WAPL: variants seen among roughly 807,000 people sequenced by gnomAD.
WAPL encodes the protein wings apart-like protein homolog.
A neutral mutation model predicts 121.0 loss-of-function variants in WAPL; 5 were observed. That is an observed-to-expected ratio of 0.04 (90% CI 0.02 to 0.09). The LOEUF (loss-of-function observed/expected upper bound fraction) is 0.09, where lower values mean the gene tolerates loss of function less well. Ranked by LOEUF, WAPL falls within the 10% of genes least tolerant of loss-of-function variation. The pLI is 1.00. For missense variants in WAPL, 999 were observed against 1,410.8 expected (o/e 0.71, Z 4.68); for synonymous variants, 480 against 481.5 (o/e 1.00, Z 0.04).
intron 4 of WAPL, among the ~76,000 whole-genome samples, chr10:86,495,250 T>A (rs1589529535): frequency 6.6e-6 from 1 of 152,206 alleles, no homozygotes; most frequent in Non-Finnish European, 1.5e-5. Flanking sequence ...GCAGATAGCC[T>A]GAGCCTAGGA....
At chr10:86,465,554 T>G (rs1402590431) in intron 9 of WAPL, among the ~76,000 whole-genome samples, 1 of 152,190 alleles carries the variant, frequency 6.6e-6, no homozygotes, top group Non-Finnish European at 1.5e-5. Context: ...AATTTCCAGT[T>G]TACCCATTGA....
chr10:86,477,809 G>A (rs1291222346), intron 4 of WAPL, among the ~76,000 whole-genome samples: 1 of 151,860 alleles, frequency 6.6e-6, no homozygotes, highest in Non-Finnish European at 1.5e-5. Context: ...GCCGGGTGCA[G>A]TGGCTCACGC....
intron 8 of WAPL, among the ~76,000 whole-genome samples, chr10:86,469,260 T>C (rs1841477821): frequency 6.9e-6 from 1 of 144,472 alleles, no homozygotes; most frequent in African/African-American, 2.5e-5. Flanking sequence ...TTTTTTTTTT[T>C]TTTTTTTTTT....
At position 86,496,046 on chromosome 10, in the gene WAPL, G is replaced by A. The variant is rs544036321; in HGVS notation, c.1644+1155C>T. On this transcript the variant is annotated intron_variant, in intron 4 of 18. Coordinates refer to ENST00000298767, the MANE Select transcript of WAPL (RefSeq NM_015045.5). ...GGAGAATTCCTTGAACCCAGGAGGCGGAGGTTGCAGTGAGCCAAGATTGTG... is the reference window on the plus strand; with the variant it reads ...GGAGAATTCCTTGAACCCAGGAGGCAGAGGTTGCAGTGAGCCAAGATTGTG... Among the ~76,000 whole-genome samples, 822 of 152,180 alleles carry A rather than the reference G, an allele frequency of 5.4e-3. 7 individuals are homozygous for A. Among genetic ancestry groups the A allele is most frequent in the African/African-American group, 0.019 (783 of 41,518 alleles).
At chr10:86,496,396 G>C (rs1842151163) in intron 4 of WAPL, among the ~76,000 whole-genome samples, 1 of 152,054 alleles carries the variant, frequency 6.6e-6, no homozygotes, top group African/African-American at 2.4e-5. Context: ...TCCTCAGAAA[G>C]TTATAGGCCT....
Position 86,455,309 on chromosome 10 carries a change from TAGG to T in WAPL, c.2658-1481_2658-1479del, listed in dbSNP as rs542613665. On this transcript the variant is annotated intron_variant, in intron 12 of 18. Transcript: ENST00000298767. ...GTGTCTGTGTAGAAAGAAGTAGACA[TAGG>T]AGACTCCATTTTGTTCTGTACTAAG... Among the ~76,000 whole-genome samples the T allele has an allele frequency of 1.9e-3, 285 of 152,296 alleles. 1 individual carries two copies. The highest frequency in any genetic ancestry group is 6.4e-3 in the African/African-American group (266 of 41,566).
chr10:86,464,606 G>A (rs1841357304), intron 9 of WAPL, among the ~76,000 whole-genome samples: 1 of 152,202 alleles, frequency 6.6e-6, no homozygotes, highest in Non-Finnish European at 1.5e-5. Flanking sequence ...GAAGGCCGAG[G>A]AGGACAGATC....
At chr10:86,487,082 GT>G (rs1376693089) in intron 4 of WAPL, among the ~76,000 whole-genome samples, 2 of 152,008 alleles carry the variant, frequency 1.3e-5, no homozygotes. Flanking sequence ...AACATCCCAG[GT>G]AAAACACAAC....
intron 4 of WAPL, among the ~76,000 whole-genome samples, chr10:86,480,115 A>G (rs544969066): frequency 1.3e-5 from 2 of 152,364 alleles, no homozygotes; most frequent in East Asian, 3.9e-4. Flanking sequence ...GTAATATGCA[A>G]TATGAAACAC....
At chr10:86,490,534 CA>C (rs1842024296) in intron 4 of WAPL, among the ~76,000 whole-genome samples, 1 of 152,044 alleles carries the variant, frequency 6.6e-6, no homozygotes, top group South Asian at 2.1e-4. Context: ...CAAATAGGTA[CA>C]AATGACTTCA....
In WAPL at chr10:86,467,180, G is replaced by C. The variant is rs191839034; in HGVS notation, c.2370+99C>G. On this transcript the variant is annotated intron_variant, in intron 9 of 18. Transcript: ENST00000298767. The stretch of plus-strand genomic sequence containing the variant: ...TTTGCCAAACTGTAAACCAAGGTTA[G>C]AATTAAAATAATTTGCCCACAGTCA... 2.2e-3 allele frequency: 2,424 copies of C among 1,087,538 alleles called. 6 individuals carry two copies. The highest frequency in any genetic ancestry group is 3.6e-3 in the Admixed American group (152 of 41,800). The allele number at this position is 1,087,538 out of a possible 1,614,324, so 67.4% of individuals were successfully genotyped here.
In WAPL at chr10:86,497,379, CT is replaced by C; in HGVS notation, c.1526-61del. 1.9e-5 allele frequency: 23 copies of C among 1,239,774 alleles called. No homozygotes were observed. The South Asian group carries it at 2.9e-4, about 16-fold the overall frequency. The allele number at this position is 1,239,774 out of a possible 1,614,324, so 76.8% of individuals were successfully genotyped here. A position where few individuals can be genotyped will look rare whatever the true frequency, so the allele number is the denominator to read the frequency against. On this transcript the variant is annotated intron_variant, in intron 3 of 18. Transcript: ENST00000298767. ...TATTTCAAATTACCTACCAGACAAC[CT>C]ATCAAGATTATATATACATGAATGA...
chr10:86,453,330 C>A lies in WAPL; in HGVS notation c.2839G>T (p.Gly947Cys). The A allele has an allele frequency of 6.2e-7, 1 of 1,613,954 alleles. No homozygotes were observed. Among genetic ancestry groups the A allele is most frequent in the Non-Finnish European group, 8.5e-7 (1 of 1,179,988 alleles). The part of the protein sequence containing the change: ...LLNLTNDNEW[G>C]STKTGEQDGL... ...TCCTGCTCTCCTGTTTTGGTGCTGCCCCACTCTGAAATAAGAAATGGATAC... is the reference window on the plus strand; with the variant it reads ...TCCTGCTCTCCTGTTTTGGTGCTGCACCACTCTGAAATAAGAAATGGATAC... The change falls in exon 14 of 19, where the codon GGC (glycine) becomes TGC (cysteine). Residue 947 changes from glycine to cysteine, a missense_variant. Gly to Cys is a radical substitution (Grantham distance 159). This residue lies in a region of WAPL where 85 missense variants were observed against 133.5 expected (regional missense o/e 0.64). Transcript: ENST00000298767.
At chr10:86,453,530 T>G (rs1028337693) in intron 13 of WAPL, 126 bp downstream of exon 13, 1 of 1,258,230 alleles carries the variant, frequency 7.9e-7, no homozygotes, top group African/African-American at 1.5e-5. Context: ...AACCTACACA[T>G]GAGTAAGTCA....
chr10:86,516,984 G>A lies in WAPL; in HGVS notation c.499+587C>T, dbSNP rs191107170. ...TGTAGTCCCAGCTACTCGGGAGGCT[G>A]AGGCAGGAAAATGGCATGAACCTGG... On this transcript the variant is annotated intron_variant, in intron 2 of 18. Transcript: ENST00000298767. Among the ~76,000 whole-genome samples, 625 of 152,182 alleles carry A rather than the reference G, an allele frequency of 4.1e-3. 3 individuals are homozygous for A. The highest frequency in any genetic ancestry group is 7.1e-3 in the Non-Finnish European group (484 of 67,992).
intron 2 of WAPL, among the ~76,000 whole-genome samples, chr10:86,513,760 G>A (rs1182224014): frequency 6.6e-6 from 1 of 152,174 alleles, no homozygotes; most frequent in Non-Finnish European, 1.5e-5. Flanking sequence ...TTCTGAGCCT[G>A]GATAAGCCCT....
chr10:86,465,285 G>A (rs902740334), intron 9 of WAPL, among the ~76,000 whole-genome samples: 7 of 151,912 alleles, frequency 4.6e-5, no homozygotes, highest in South Asian at 2.1e-4. Flanking sequence ...CCTCCGCCTC[G>A]CCTCCTAGGT....
rs189536071 is a variant in WAPL at position 86,476,148 on chromosome 10, G to A, written c.1645-2175C>T. 5.7e-3 allele frequency among the ~76,000 whole-genome samples: 840 copies of A among 147,636 alleles called. 8 individuals are homozygous for A. The highest frequency in any genetic ancestry group is 0.02 in the African/African-American group (800 of 39,946). On this transcript the variant is annotated intron_variant, in intron 4 of 18. Transcript: ENST00000298767. ...TGGGAGGCTGAGGCGGGCGGATCACGAGGTCAGGAGATTGAGACCATCCTG... is the reference window on the plus strand; with the variant it reads ...TGGGAGGCTGAGGCGGGCGGATCACAAGGTCAGGAGATTGAGACCATCCTG...
intron 1 of WAPL, among the ~76,000 whole-genome samples, chr10:86,520,126 T>C (rs1279388141): frequency 6.6e-6 from 1 of 152,122 alleles, no homozygotes; most frequent in Non-Finnish European, 1.5e-5. Context: ...AGAAACCACG[T>C]TTCTACTAAA....
Sources: gnomAD v4.1 joint callset for allele counts (sites outside exome capture counted in the v4.1 genomes callset) on GRCh38, gnomAD v4.1.1 for gene constraint, gnomAD v4.1.1 regional missense constraint, MANE v1.5 for transcripts, NCBI Gene and HGNC (gene_info 2026-07-23, HGNC 2026-07-21) for gene names.